Variants in PRKD1 observed in about 807,000 individuals in gnomAD.
The protein encoded by PRKD1 is serine/threonine-protein kinase D1.
PRKD1 carries 63 observed loss-of-function variants against 95.9 expected under a neutral mutation model. The ratio of observed to expected loss-of-function variants is 0.66; its 90% CI spans 0.54 to 0.81. PRKD1 has a LOEUF of 0.81. Among genes scored for constraint, PRKD1 ranks in the 30% least tolerant of loss-of-function variants. PRKD1 has a pLI of 0.00. For synonymous variants in PRKD1, 425 were observed against 423.1 expected (o/e 1.00, Z -0.05); for missense variants, 1,048 against 1,165.3 (o/e 0.90, Z 1.47).
intron 13 of PRKD1, among the ~76,000 whole-genome samples, chr14:29,612,404 C>T (rs897448539): frequency 1.3e-5 from 2 of 152,040 alleles, no homozygotes; most frequent in Admixed American, 6.5e-5. Flanking sequence ...AAAAGACTAG[C>T]GTTCTTTGAA....
chr14:29,735,693 T>G (rs553966549), intron 1 of PRKD1, among the ~76,000 whole-genome samples: 5 of 152,246 alleles, frequency 3.3e-5, no homozygotes, highest in Non-Finnish European at 5.9e-5. Flanking sequence ...CAGTGCCGTC[T>G]GATGTCATTC....
At chr14:29,759,382 A>G (rs1275699834) in intron 1 of PRKD1, among the ~76,000 whole-genome samples, 2 of 152,260 alleles carry the variant, frequency 1.3e-5, no homozygotes, top group Non-Finnish European at 2.9e-5. Flanking sequence ...ATTTAAAAAC[A>G]GCAATCTTTC....
In PRKD1 at chr14:29,927,424, C is replaced by G; in HGVS notation, c.89G>C (p.Gly30Ala). ...GAACGGCGCGGGCCCGGGCCCGGAC[C>G]CTGGGACCAGTGCGGCGGCCGCTGC... ...AAAAAAALVPGSGPGPAPFLA... is the reference protein window; with the variant it reads ...AAAAAAALVPASGPGPAPFLA... Residue 30 changes from glycine to alanine, a missense_variant, in exon 1 of 18, where the codon GGG becomes GCG. By Grantham distance (60) the Gly-to-Ala change is moderately conservative (BLOSUM62 0). This residue lies in a region of PRKD1 where 34 missense variants were observed against 54.8 expected (regional missense o/e 0.62). Coordinates refer to ENST00000331968, the MANE Select transcript of PRKD1 (RefSeq NM_002742.3). The G allele has an allele frequency of 1.4e-6, 2 of 1,446,694 alleles. No individual in the cohort carries two copies. Among genetic ancestry groups the G allele is most frequent in the Non-Finnish European group, 1.8e-6 (2 of 1,098,268 alleles). The allele number at this position is 1,446,694 out of a possible 1,614,324, so 89.6% of individuals were successfully genotyped here.
intron 16 of PRKD1, among the ~76,000 whole-genome samples, chr14:29,582,150 T>C (rs1257844785): frequency 6.6e-6 from 1 of 152,182 alleles, no homozygotes; most frequent in Non-Finnish European, 1.5e-5. Flanking sequence ...TTTAAGTAAA[T>C]TAACATTGAC....
intron 1 of PRKD1, among the ~76,000 whole-genome samples, chr14:29,860,634 T>C (rs1892677482): frequency 6.6e-6 from 1 of 152,200 alleles, no homozygotes; most frequent in East Asian, 1.9e-4. Flanking sequence ...TTTAAATTAC[T>C]GATATAATTT....
chr14:29,819,467 G>T (rs1170269436), intron 1 of PRKD1, among the ~76,000 whole-genome samples: 2 of 152,112 alleles, frequency 1.3e-5, no homozygotes, highest in Admixed American at 1.3e-4. Flanking sequence ...GAGGCAGGCG[G>T]ATCACGAGGT....
At chr14:29,884,710 T>C (rs182458303) in intron 1 of PRKD1, among the ~76,000 whole-genome samples, 113 of 152,342 alleles carry the variant, frequency 7.4e-4, no homozygotes, top group African/African-American at 2.6e-3. Context: ...GATATTATTA[T>C]GGCATACAAG....
intron 4 of PRKD1, among the ~76,000 whole-genome samples, chr14:29,646,301 A>G (rs1881118084): frequency 6.6e-6 from 1 of 152,142 alleles, no homozygotes; most frequent in South Asian, 2.1e-4. Flanking sequence ...AGCACAGTGA[A>G]TAAGACCAAG....
chr14:29,699,813 A>C lies in PRKD1; in HGVS notation c.403+25723T>G, dbSNP rs576387565. On this transcript the variant is annotated intron_variant, in intron 2 of 17. Coordinates refer to ENST00000331968, the MANE Select transcript of PRKD1 (RefSeq NM_002742.3). ...TTTTACTGATTCAAAGTGACACTGC[A>C]TTTTTATACACAAATATATCTCTTT... Among the ~76,000 whole-genome samples the C allele has an allele frequency of 7.9e-5, 12 of 152,264 alleles. No homozygotes were observed. In the South Asian group the frequency reaches 2.5e-3, roughly 31 times the overall value.
At chr14:29,584,065 C>G (rs1892834933) in intron 16 of PRKD1, among the ~76,000 whole-genome samples, 1 of 152,102 alleles carries the variant, frequency 6.6e-6, no homozygotes, top group Admixed American at 6.6e-5. Flanking sequence ...TTGCTAGGTG[C>G]ACAAGGATAC....
intron 1 of PRKD1, among the ~76,000 whole-genome samples, chr14:29,863,509 T>C (rs1892778967): frequency 6.6e-6 from 1 of 152,128 alleles, no homozygotes; most frequent in African/African-American, 2.4e-5. Flanking sequence ...CTCTACTTTG[T>C]TTAAAACAAA....
At chr14:29,798,856 C>A (rs1889917364) in intron 1 of PRKD1, among the ~76,000 whole-genome samples, 1 of 152,184 alleles carries the variant, frequency 6.6e-6, no homozygotes, top group Admixed American at 6.6e-5. Flanking sequence ...TTCCACATCA[C>A]TGATTCTTTT....
chr14:29,723,884 A>G (rs1462452125), intron 2 of PRKD1, among the ~76,000 whole-genome samples: 3 of 152,098 alleles, frequency 2.0e-5, no homozygotes, highest in African/African-American at 7.2e-5. Context: ...GCTGCTCTTA[A>G]ATGCCCTCTC....
intron 1 of PRKD1, among the ~76,000 whole-genome samples, chr14:29,806,645 C>T (rs962584685): frequency 6.6e-6 from 1 of 152,104 alleles, no homozygotes; most frequent in South Asian, 2.1e-4. Flanking sequence ...CTTGCAAACT[C>T]CTGAAGTATG....
intron 7 of PRKD1, among the ~76,000 whole-genome samples, 190 bp downstream of exon 7, chr14:29,636,100 C>A (rs1037148514): frequency 6.6e-6 from 1 of 151,644 alleles, no homozygotes; most frequent in Non-Finnish European, 1.5e-5. Context: ...AGAATGGCAA[C>A]CACACTTCTC....
At chr14:29,736,264 C>G (rs556185463) in intron 1 of PRKD1, among the ~76,000 whole-genome samples, 49 of 152,244 alleles carry the variant, frequency 3.2e-4, no homozygotes, top group Non-Finnish European at 2.9e-5. Flanking sequence ...TCTTCAACTG[C>G]TAAGAGAAAA....
chr14:29,741,773 A>C (rs145355233), intron 1 of PRKD1, among the ~76,000 whole-genome samples: 412 of 152,268 alleles, frequency 2.7e-3, no homozygotes, highest in Admixed American at 8.5e-3. Context: ...CCATTTTGTT[A>C]ATTTTACTGA....
intron 2 of PRKD1, among the ~76,000 whole-genome samples, chr14:29,673,990 G>A (rs191717738): frequency 6.6e-5 from 10 of 152,060 alleles, no homozygotes; most frequent in African/African-American, 1.7e-4. Flanking sequence ...AATGGGCTTC[G>A]TGTGATGCAT....
At chr14:29,734,100 T>C (rs1296901263) in intron 1 of PRKD1, among the ~76,000 whole-genome samples, 1 of 139,738 alleles carries the variant, frequency 7.2e-6, no homozygotes, top group African/African-American at 2.7e-5. Flanking sequence ...TGGAGTGCAA[T>C]GGCGCGATCT....
Sources: allele counts gnomAD v4.1 joint callset (sites outside exome capture counted in the v4.1 genomes callset), GRCh38; gene constraint gnomAD v4.1.1; regional missense constraint gnomAD v4.1.1; transcripts MANE v1.5; gene names NCBI Gene and HGNC (gene_info 2026-07-23, HGNC 2026-07-21).